The following SEC24D variants were observed in gnomAD, a reference collection of about 807,000 sequenced individuals.
The protein encoded by SEC24D is protein transport protein Sec24D.
Under a neutral mutation model 116.9 loss-of-function variants are expected in SEC24D, and 69 were observed. That is an observed-to-expected ratio of 0.59 (90% confidence interval 0.49 to 0.72). The LOEUF (loss-of-function observed/expected upper bound fraction) is 0.72, where lower values mean the gene tolerates loss of function less well. Among genes scored for constraint, SEC24D ranks in the 30% least tolerant of loss-of-function variants. SEC24D has a pLI of 0.00. For synonymous variants in SEC24D, 405 were observed against 442.8 expected (o/e 0.91, Z 1.07); for missense variants, 1,131 against 1,264.1 (o/e 0.89, Z 1.60).
chr4:118,738,064 TGTTCACA>T, intron 19 of SEC24D, 190 bp downstream of exon 19: 1 of 496,414 alleles, frequency 2.0e-6, no homozygotes. Flanking sequence ...CCATTTTTTT[TGTTCACA>T]TTTTTAAATG....
At chr4:118,730,317 A>G (rs1227511048) in intron 21 of SEC24D, 3 of 152,176 alleles carry the variant, frequency 2.0e-5, no homozygotes, top group Non-Finnish European at 4.4e-5. Flanking sequence ...TCATCTTAAA[A>G]CCAATCTCTA....
intron 19 of SEC24D, among the ~76,000 whole-genome samples, chr4:118,737,430 T>C (rs1000036257): frequency 6.6e-6 from 1 of 152,200 alleles, no homozygotes; most frequent in African/African-American, 2.4e-5. Context: ...TTGCCCAGAT[T>C]AAGAATTTGG....
At chr4:118,830,622 T>A (rs56042726) in intron 2 of SEC24D, among the ~76,000 whole-genome samples, 6,598 of 151,986 alleles carry the variant, frequency 0.043, 199 homozygotes, top group Non-Finnish European at 0.064. Context: ...TATGTATATA[T>A]AATTTTTTAT....
At chr4:118,727,616 T>C (rs1384118292) in intron 22 of SEC24D, among the ~76,000 whole-genome samples, 1 of 151,792 alleles carries the variant, frequency 6.6e-6, no homozygotes, top group Non-Finnish European at 1.5e-5. Flanking sequence ...TTTGGTTACA[T>C]GTTTCTAGGG....
intron 6 of SEC24D, among the ~76,000 whole-genome samples, chr4:118,810,274 G>C (rs918165965): frequency 1.3e-5 from 2 of 152,104 alleles, no homozygotes; most frequent in African/African-American, 2.4e-5. Flanking sequence ...GACTCTGGCT[G>C]CTCTGTGCAG....
intron 8 of SEC24D, among the ~76,000 whole-genome samples, chr4:118,796,738 C>T (rs751617996): frequency 3.9e-5 from 6 of 152,192 alleles, no homozygotes; most frequent in Non-Finnish European, 7.3e-5. Context: ...AGAAAGGGAA[C>T]GAATCTGTTT....
intron 10 of SEC24D, 35 bp downstream of exon 10, chr4:118,764,767 A>C: frequency 8.9e-7 from 1 of 1,123,404 alleles, no homozygotes; most frequent in South Asian, 1.3e-5. Flanking sequence ...ATTTAACATC[A>C]ATGTATAAAC....
At chr4:118,736,584 C>A in intron 19 of SEC24D, 3 of 314,988 alleles carry the variant, frequency 9.5e-6, no homozygotes, top group Non-Finnish European at 1.9e-5. Context: ...AGGAAAGTAC[C>A]AAGTTTACAG....
rs1046147165 is a variant in SEC24D at position 118,767,100 on chromosome 4, C to T, written c.1180+1073G>A. Among the ~76,000 whole-genome samples, 3 of 152,338 alleles carry T rather than the reference C, an allele frequency of 2.0e-5. No homozygotes were observed. In the South Asian group the frequency reaches 6.2e-4, roughly 32 times the overall value. On this transcript the variant is annotated intron_variant, in intron 9 of 22. Coordinates refer to ENST00000280551, the MANE Select transcript of SEC24D (RefSeq NM_014822.4). ...TCTAGAAGCCAATGATTCAACTCCA[C>T]AGCAAGGTGCGTTTAAGAACTGACC...
intron 21 of SEC24D, chr4:118,731,014 T>C (rs1725658891): frequency 8.9e-6 from 3 of 335,648 alleles, no homozygotes; most frequent in African/African-American, 6.5e-5. Flanking sequence ...TGATTTGTTA[T>C]GACAATTAAC....
chr4:118,800,387 G>A (rs1326106284), intron 7 of SEC24D, among the ~76,000 whole-genome samples: 1 of 152,148 alleles, frequency 6.6e-6, no homozygotes, highest in Non-Finnish European at 1.5e-5. Flanking sequence ...GACCTGAAAT[G>A]AACGGGAGGT....
chr4:118,737,784 GAA>G (rs552438284), intron 19 of SEC24D, among the ~76,000 whole-genome samples: 23 of 151,982 alleles, frequency 1.5e-4, no homozygotes, highest in African/African-American at 4.1e-4. Context: ...TCAATTCTTT[GAA>G]AACTCTTCAC....
intron 4 of SEC24D, chr4:118,816,799 C>T: frequency 2.2e-6 from 1 of 455,902 alleles, no homozygotes; most frequent in Middle Eastern, 3.3e-4. Context: ...CTTTCCTCTC[C>T]TATCTTCTCT....
At chr4:118,808,657 T>C (rs1187148899) in intron 6 of SEC24D, among the ~76,000 whole-genome samples, 4 of 152,238 alleles carry the variant, frequency 2.6e-5, no homozygotes, top group Non-Finnish European at 5.9e-5. Flanking sequence ...CAATTTTGAC[T>C]GTGACTTGGT....
At chr4:118,799,452 C>A (rs568511049) in intron 7 of SEC24D, among the ~76,000 whole-genome samples, 1 of 152,260 alleles carries the variant, frequency 6.6e-6, no homozygotes, top group Admixed American at 6.5e-5. Flanking sequence ...ATATGTACAT[C>A]TGGAGACTGG....
At chr4:118,795,747 C>T (rs547626682) in intron 8 of SEC24D, among the ~76,000 whole-genome samples, 1 of 152,154 alleles carries the variant, frequency 6.6e-6, no homozygotes, top group East Asian at 1.9e-4. Flanking sequence ...CTGTGGCTGC[C>T]AGGGAAGGGA....
chr4:118,776,831 A>G (rs1193522937), intron 8 of SEC24D, among the ~76,000 whole-genome samples: 1 of 152,194 alleles, frequency 6.6e-6, no homozygotes, highest in Non-Finnish European at 1.5e-5. Flanking sequence ...ACAATGTTCT[A>G]CAAATGATTA....
intron 8 of SEC24D, among the ~76,000 whole-genome samples, chr4:118,790,170 A>C (rs1728835372): frequency 1.3e-5 from 2 of 152,220 alleles, no homozygotes; most frequent in Admixed American, 6.5e-5. Context: ...GTCTTGGATG[A>C]AAGTTTATCC....
intron 6 of SEC24D, among the ~76,000 whole-genome samples, chr4:118,809,827 T>A (rs1729827301): frequency 6.6e-6 from 1 of 152,280 alleles, no homozygotes; most frequent in African/African-American, 2.4e-5. Context: ...CAGGCAGTAA[T>A]TCAGTGCTGT....
Sources: gnomAD v4.1 joint callset for allele counts (sites outside exome capture counted in the v4.1 genomes callset) on GRCh38, gnomAD v4.1.1 for gene constraint, MANE v1.5 for transcripts, NCBI Gene and HGNC (gene_info 2026-07-23, HGNC 2026-07-21) for gene names.